The following CLYBL variants were observed in gnomAD, a reference collection of about 807,000 sequenced individuals.
The protein encoded by CLYBL is citramalyl-CoA lyase, also known as citramalyl-CoA lyase, mitochondrial.
CLYBL carries 31 observed loss-of-function variants against 38.9 expected under a neutral mutation model. The ratio of observed to expected loss-of-function variants is 0.80; its 90% CI spans 0.60 to 1.08. The LOEUF (loss-of-function observed/expected upper bound fraction) is 1.08, where lower values mean the gene tolerates loss of function less well. Ranked by LOEUF, CLYBL falls within the 50% of genes least tolerant of loss-of-function variation. CLYBL has a pLI of 0.00. For missense variants in CLYBL, 434 were observed against 411.6 expected (o/e 1.05, Z -0.47); for synonymous variants, 171 against 158.6 (o/e 1.08, Z -0.59).
chr13:99,768,513 TTTTTTTTTTTTTTTTA>T (rs1250546687), intron 1 of CLYBL, among the ~76,000 whole-genome samples: 2,721 of 26,466 alleles, frequency 0.1, 149 homozygotes, highest in East Asian at 0.2. Context: ...TTTTTTTTTT[TTTTTTTTTTTTTTTTA>T]AAGACAGAAT....
At chr13:99,644,292 T>C (rs1254972715) in intron 1 of CLYBL, among the ~76,000 whole-genome samples, 3 of 151,766 alleles carry the variant, frequency 2.0e-5, no homozygotes, top group Non-Finnish European at 4.4e-5. Context: ...ATGTGCAAGC[T>C]CTCACTATAA....
In CLYBL at chr13:99,862,493, G is replaced by A. The variant is rs191613727; in HGVS notation, c.439-498G>A. ...CTTCCTAGGTAAGCTAAAAAATTATGAAGAAAAACCTTCTGAACAAAGGGT... is the reference window on the plus strand; with the variant it reads ...CTTCCTAGGTAAGCTAAAAAATTATAAAGAAAAACCTTCTGAACAAAGGGT... On this transcript the variant is annotated intron_variant, in intron 3 of 8. Coordinates refer to ENST00000339105, the MANE Select transcript of CLYBL (RefSeq NM_206808.5). Among the ~76,000 whole-genome samples the A allele has an allele frequency of 1.6e-3, 239 of 152,142 alleles. 4 individuals carry two copies. The highest frequency in any genetic ancestry group is 4.6e-3 in the African/African-American group (191 of 41,476).
At chr13:99,835,201 G>A (rs2050907472) in intron 2 of CLYBL, among the ~76,000 whole-genome samples, 1 of 152,220 alleles carries the variant, frequency 6.6e-6, no homozygotes, top group Non-Finnish European at 1.5e-5. Flanking sequence ...TCAGCGTGCA[G>A]GCTAAGCTGC....
intron 1 of CLYBL, among the ~76,000 whole-genome samples, chr13:99,637,942 G>A (rs1011385680): frequency 7.4e-5 from 10 of 135,032 alleles, no homozygotes; most frequent in African/African-American, 2.8e-4. Context: ...TTCTTATCTA[G>A]TTATCCAAGT....
chr13:99,861,087 C>G (rs2051589992), intron 3 of CLYBL, among the ~76,000 whole-genome samples: 2 of 152,306 alleles, frequency 1.3e-5, no homozygotes, highest in African/African-American at 4.8e-5. Context: ...TTCTCCTCCC[C>G]CTACCCCAGT....
At chr13:99,765,050 T>C (rs932880912) in intron 1 of CLYBL, among the ~76,000 whole-genome samples, 4 of 152,136 alleles carry the variant, frequency 2.6e-5, no homozygotes, top group Admixed American at 2.0e-4. Context: ...CTTTTCTTTT[T>C]TTTTTTCTTT....
At chr13:99,679,112 G>A (rs1291201044) in intron 1 of CLYBL, among the ~76,000 whole-genome samples, 1 of 152,028 alleles carries the variant, frequency 6.6e-6, no homozygotes, top group Non-Finnish European at 1.5e-5. Flanking sequence ...GGCTAACACG[G>A]TGAAACCCTG....
intron 1 of CLYBL, among the ~76,000 whole-genome samples, chr13:99,619,338 C>T (rs969303205): frequency 2.0e-5 from 3 of 152,204 alleles, no homozygotes; most frequent in Non-Finnish European, 4.4e-5. Flanking sequence ...GAGCAGCCCT[C>T]TGTAGACACC....
At chr13:99,613,025 GATAATAATAATA>G (rs57244403) in intron 1 of CLYBL, among the ~76,000 whole-genome samples, 10 of 44,638 alleles carry the variant, frequency 2.2e-4, no homozygotes, top group African/African-American at 4.3e-4. Flanking sequence ...AAATAGTGAT[GATAATAATAATA>G]ATAATAATAA....
intron 2 of CLYBL, among the ~76,000 whole-genome samples, chr13:99,836,480 C>A (rs1167211846): frequency 6.6e-6 from 1 of 152,058 alleles, no homozygotes; most frequent in African/African-American, 2.4e-5. Context: ...GGAAATAGGC[C>A]CGCACCAAAT....
intron 1 of CLYBL, among the ~76,000 whole-genome samples, chr13:99,744,502 G>A (rs1249095568): frequency 1.3e-5 from 2 of 152,174 alleles, no homozygotes; most frequent in Non-Finnish European, 2.9e-5. Flanking sequence ...GCGGCCAGCA[G>A]TCTGCAGGGT....
intron 2 of CLYBL, among the ~76,000 whole-genome samples, chr13:99,834,207 G>A (rs1041548889): frequency 7.9e-5 from 12 of 152,074 alleles, no homozygotes; most frequent in African/African-American, 2.4e-4. Context: ...TCAGGACCAC[G>A]GGAGCCTTGG....
At chr13:99,658,812 T>C (rs931585008) in intron 1 of CLYBL, among the ~76,000 whole-genome samples, 6 of 152,230 alleles carry the variant, frequency 3.9e-5, no homozygotes. Context: ...CCTGGGACTG[T>C]TGGTGTCACC....
chr13:99,677,181 A>G (rs560411514), intron 1 of CLYBL, among the ~76,000 whole-genome samples: 8 of 152,310 alleles, frequency 5.3e-5, no homozygotes, highest in Non-Finnish European at 4.4e-5. Context: ...GAGAGAATCT[A>G]CCTGCATTGG....
intron 6 of CLYBL, among the ~76,000 whole-genome samples, chr13:99,866,949 T>C (rs2051763305): frequency 6.6e-6 from 1 of 152,156 alleles, no homozygotes; most frequent in South Asian, 2.1e-4. Flanking sequence ...CCTACGGGCA[T>C]AGGCTGGCAC....
downstream of CLYBL, chr13:99,895,622 T>C (rs1248536805): frequency 1.3e-5 from 2 of 151,938 alleles, no homozygotes; most frequent in Admixed American, 6.5e-5. Flanking sequence ...GAGCCCGCGC[T>C]TGGGACCCGG....
intron 1 of CLYBL, among the ~76,000 whole-genome samples, chr13:99,764,368 A>G (rs1298096278): frequency 1.3e-5 from 2 of 152,184 alleles, no homozygotes; most frequent in African/African-American, 4.8e-5. Context: ...CCATTAGGCC[A>G]TGTGGGGATT....
intron 2 of CLYBL, among the ~76,000 whole-genome samples, chr13:99,784,449 C>CTTTTTTTTTT (rs772465561): frequency 6.1e-4 from 32 of 52,094 alleles, no homozygotes; most frequent in Non-Finnish European, 1.0e-3. Context: ...AAAATTCTCT[C>CTTTTTTTTTT]TTTTTTTTTT....
intron 7 of CLYBL, among the ~76,000 whole-genome samples, chr13:99,889,145 A>G (rs2052425088): frequency 6.6e-6 from 1 of 152,182 alleles, no homozygotes; most frequent in Non-Finnish European, 1.5e-5. Flanking sequence ...CATGGAACCC[A>G]AAGCAGGTTC....
Sources: allele counts gnomAD v4.1 joint callset (sites outside exome capture counted in the v4.1 genomes callset), GRCh38; gene constraint gnomAD v4.1.1; transcripts MANE v1.5; gene names NCBI Gene and HGNC (gene_info 2026-07-23, HGNC 2026-07-21).